SNRPN: variants seen among roughly 807,000 people sequenced by gnomAD.
SNRPN encodes the protein small nuclear ribonucleoprotein polypeptide N, also known as small nuclear ribonucleoprotein-associated protein N.
In SNRPN, 7 loss-of-function variants were observed where a neutral mutation model predicts 25.2. That is an observed-to-expected ratio of 0.28 (90% confidence interval 0.16 to 0.52). The LOEUF (loss-of-function observed/expected upper bound fraction) is 0.52, where lower values mean the gene tolerates loss of function less well. Among genes scored for constraint, SNRPN ranks in the 20% least tolerant of loss-of-function variants. The probability of loss-of-function intolerance (pLI) is 0.96; values close to 1 mark genes in which losing one functional copy is unlikely to be tolerated. For missense variants in SNRPN, 196 were observed against 322.5 expected, an observed-to-expected ratio of 0.61 and a Z score of 3.00; for synonymous variants, 124 against 110.6, an observed-to-expected ratio of 1.12 and a Z score of -0.76.
Position 24,871,899 on chromosome 15 carries a change from G to C in SNRPN, c.-578-14617G>C, listed in dbSNP as rs1280577652. On this transcript the variant is annotated intron_variant, in intron 1 of 11. Coordinates refer to the SNRPN transcript ENST00000400097. ...TTTTTGTACTTTTAGCAGAGACGGG[G>C]TTTCACCATGTTAGCCAGGATGGTC... 1.5e-4 allele frequency among the ~76,000 whole-genome samples: 18 copies of C among 118,086 alleles called. 5 individuals are homozygous for C. Among genetic ancestry groups the C allele is most frequent in the Non-Finnish European group, 2.9e-4 (16 of 54,268 alleles). 77.5% of individuals were successfully genotyped at this position (118,086 alleles called of 152,430 possible).
chr15:24,860,903 G>A (rs774114010), intron 1 of SNRPN, among the ~76,000 whole-genome samples: 4 of 152,160 alleles, frequency 2.6e-5, no homozygotes, highest in Non-Finnish European at 5.9e-5. Context: ...GAAATGCAGG[G>A]ATTGGGTTGA....
At chr15:24,905,118 A>C (rs1347773373) in intron 2 of SNRPN, among the ~76,000 whole-genome samples, 1 of 151,496 alleles carries the variant, frequency 6.6e-6, no homozygotes, top group Admixed American at 6.6e-5. Flanking sequence ...GTCTCAAAAA[A>C]AAAAAAAAAA....
intron 1 of SNRPN, among the ~76,000 whole-genome samples, chr15:24,825,877 C>CAT (rs1460890680): frequency 6.6e-6 from 1 of 152,068 alleles, no homozygotes; most frequent in Non-Finnish European, 1.5e-5. Context: ...AATCTGAAGT[C>CAT]ATACCTCAGG....
intron 3 of SNRPN, among the ~76,000 whole-genome samples, chr15:24,941,118 AG>A (rs1262489048): frequency 6.6e-6 from 1 of 152,152 alleles, no homozygotes; most frequent in African/African-American, 2.4e-5. Context: ...CTGAGACCAC[AG>A]GTGCACACTA....
chr15:24,977,991 G>A, intron 8 of SNRPN, 75 bp downstream of exon 8: 1 of 1,393,040 alleles, frequency 7.2e-7, no homozygotes, highest in Non-Finnish European at 9.8e-7. Flanking sequence ...GACACAGCCT[G>A]AGAGCCTAAG....
At position 24,941,138 on chromosome 15, in the gene SNRPN, G is replaced by A. The variant is rs534415971; in HGVS notation, c.-390-20976G>A. 5.9e-4 allele frequency among the ~76,000 whole-genome samples: 90 copies of A among 152,206 alleles called. No homozygotes were observed. The South Asian group carries it at 0.017, about 28-fold the overall frequency. Reference sequence around the variant, plus strand: ...ACCACAGGTGCACACTACCATGCCTGGCTAATTTTTGTATTTTTAGTAGAT... The same window carrying A: ...ACCACAGGTGCACACTACCATGCCTAGCTAATTTTTGTATTTTTAGTAGAT... On this transcript the variant is annotated intron_variant, in intron 3 of 11. Coordinates refer to the SNRPN transcript ENST00000400097.
At chr15:24,862,727 A>G (rs2054100917) in intron 1 of SNRPN, among the ~76,000 whole-genome samples, 1 of 150,808 alleles carries the variant, frequency 6.6e-6, no homozygotes, top group Non-Finnish European at 1.5e-5. Context: ...GACAGGCATC[A>G]GGCCTGGGAT....
intron 6 of SNRPN, 53 bp from the exon 7 acceptor site, chr15:24,976,823 AT>A (rs1235887887): frequency 2.0e-6 from 3 of 1,514,104 alleles, no homozygotes; most frequent in Non-Finnish European, 2.7e-6. Context: ...ATGAATAAGA[AT>A]ACTGAGAACT....
upstream of SNRPN, among the ~76,000 whole-genome samples, chr15:24,853,251 A>G (rs2053049118): frequency 6.6e-6 from 1 of 152,184 alleles, no homozygotes; most frequent in Non-Finnish European, 1.5e-5. Context: ...ATTTCACTTA[A>G]TGTCCATTTT....
intron 2 of SNRPN, among the ~76,000 whole-genome samples, chr15:24,902,220 G>A (rs966882327): frequency 1.3e-5 from 2 of 152,060 alleles, no homozygotes; most frequent in Non-Finnish European, 2.9e-5. Flanking sequence ...TCTGTGAATT[G>A]GGAATTCAGA....
chr15:24,893,101 C>T (rs755952314), intron 2 of SNRPN, among the ~76,000 whole-genome samples: 33 of 151,622 alleles, frequency 2.2e-4, no homozygotes, highest in African/African-American at 5.8e-4. Flanking sequence ...CCCAGTTATT[C>T]GGAGGCTGAG....
intron 1 of SNRPN, among the ~76,000 whole-genome samples, chr15:24,879,052 T>A (rs1422070510): frequency 1.3e-5 from 2 of 152,070 alleles, no homozygotes; most frequent in Admixed American, 1.3e-4. Flanking sequence ...AAAGTATTTT[T>A]AAATATAGTC....
chr15:24,858,511 C>G (rs2053648814), intron 1 of SNRPN, among the ~76,000 whole-genome samples: 1 of 151,932 alleles, frequency 6.6e-6, no homozygotes. Context: ...AAAAAGTAAA[C>G]CAGGAGCCTG....
chr15:24,926,088 A>G (rs1308099976), intron 3 of SNRPN, among the ~76,000 whole-genome samples: 8 of 152,130 alleles, frequency 5.3e-5, no homozygotes, highest in African/African-American at 1.7e-4. Context: ...TAACCAATCT[A>G]GTTTCAAACT....
intron 2 of SNRPN, among the ~76,000 whole-genome samples, chr15:24,907,904 T>G (rs1320925466): frequency 2.0e-5 from 3 of 151,368 alleles, no homozygotes; most frequent in Non-Finnish European, 4.4e-5. Context: ...AATACAAAAA[T>G]TAGCTGGGCA....
At chr15:24,850,878 T>G (rs961551990) in intron 2 of SNRPN, 1 of 152,164 alleles carries the variant, frequency 6.6e-6, no homozygotes, top group African/African-American at 2.4e-5. Flanking sequence ...AAAGAAAATT[T>G]AAGTTTATTA....
At chr15:24,845,044 T>C (rs2052063145) in intron 2 of SNRPN, among the ~76,000 whole-genome samples, 3 of 152,194 alleles carry the variant, frequency 2.0e-5, no homozygotes, top group Admixed American at 2.0e-4. Context: ...TCTGTTGTTT[T>C]AGGAGCTTTT....
At chr15:24,842,143 GC>G (rs1214917234) in intron 2 of SNRPN, among the ~76,000 whole-genome samples, 1 of 152,000 alleles carries the variant, frequency 6.6e-6, no homozygotes, top group Non-Finnish European at 1.5e-5. Context: ...CTCCCACTTT[GC>G]CAGAAAGCCA....
At chr15:24,859,079 G>T (rs1349998838) in intron 1 of SNRPN, among the ~76,000 whole-genome samples, 3 of 152,032 alleles carry the variant, frequency 2.0e-5, no homozygotes, top group Non-Finnish European at 2.9e-5. Context: ...AGCCAACCAG[G>T]ATTAGTTCAG....
Sources: allele counts gnomAD v4.1 joint callset (sites outside exome capture counted in the v4.1 genomes callset), GRCh38; gene constraint gnomAD v4.1.1; transcripts MANE v1.5; gene names NCBI Gene and HGNC (gene_info 2026-07-23, HGNC 2026-07-21).